Variants in ARHGEF1 observed in about 807,000 individuals in gnomAD.
ARHGEF1 encodes the protein 115 kDa guanine nucleotide exchange factor.
In ARHGEF1, 40 loss-of-function variants were observed where a neutral mutation model predicts 119.7. That is an observed-to-expected ratio of 0.33 (90% CI 0.26 to 0.44). The LOEUF (loss-of-function observed/expected upper bound fraction) is 0.44. Among genes scored for constraint, ARHGEF1 ranks in the 20% least tolerant of loss-of-function variants. The pLI is 1.00. For missense variants in ARHGEF1, 976 were observed against 1,268.3 expected (o/e 0.77, Z 3.50); for synonymous variants, 494 against 521.0 (o/e 0.95, Z 0.71).
chr19:41,884,544 C>T lies in ARHGEF1; in HGVS notation c.-20+1255C>T, dbSNP rs782493446. The T allele has an allele frequency of 1.1e-5, 17 of 1,597,880 alleles. No homozygotes were observed. The South Asian group carries it at 1.8e-4, about 17-fold the overall frequency. On this transcript the variant is annotated intron_variant, in intron 1 of 28. Coordinates refer to ENST00000354532, the MANE Select transcript of ARHGEF1 (RefSeq NM_004706.4). Reference sequence around the variant, plus strand: ...GTCAGACCCTGACTCTGCACGTCCTCCCCGGCATCCCTGGCCGTGCACACT... The same window carrying T: ...GTCAGACCCTGACTCTGCACGTCCTTCCCGGCATCCCTGGCCGTGCACACT...
rs2074434191 is a variant in ARHGEF1, at chr19:41,894,135, A to AGTGTGTGTGTGTGTGTGTGAGT, written c.645-53_645-52insAGTGTGTGTGTGTGTGTGTGTG. On this transcript the variant is annotated intron_variant, in intron 8 of 28. Transcript: ENST00000354532. ...GGGAGAGAGAGAGAGTGTGTGTGTG[A>AGTGTGTGTGTGTGTGTGTGAGT]GTGTGTGTGTGTGTGTGTGTGTGTG... 3.1e-5 allele frequency: 15 copies of AGTGTGTGTGTGTGTGTGTGAGT among 485,996 alleles called. No individual in the cohort carries two copies. In the African/African-American group the frequency reaches 3.3e-4, roughly 11 times the overall value. The allele number at this position is 485,996 out of a possible 1,614,324, so 30.1% of individuals were successfully genotyped here.
Position 41,913,935 on chromosome 19 carries a change from C to T in ARHGEF1, c.1865+7132C>T, listed in dbSNP as rs1599673461. Among the ~76,000 whole-genome samples the T allele has an allele frequency of 2.0e-5, 3 of 150,948 alleles. No individual in the cohort carries two copies. In the South Asian group the frequency reaches 6.4e-4, roughly 32 times the overall value. On this transcript the variant is annotated intron_variant, in intron 18 of 20. Coordinates refer to the ARHGEF1 transcript ENST00000599589. The stretch of plus-strand genomic sequence containing the variant: ...CCCTCACACCCCACCTCTGGAGCAC[C>T]TTCTTCCTGGAGACCCCCCAGACGC...
Position 41,894,534 on chromosome 19 carries a change from G to C in ARHGEF1, c.828G>C (p.Arg276=). ...TCCTGGATGCCGCCCGCTGGAACCG[G>C]GGAGAGCCCCAGGGTAAGGCGGCTC... ...SSILDAARWN[R]GEPQVPDFRH... is the part of the protein sequence containing the mutation. Residue 276 remains arginine (R), a synonymous_variant, in exon 10 of 29, where the codon CGG becomes CGC. Transcript: ENST00000354532. The C allele has an allele frequency of 6.2e-7, 1 of 1,612,774 alleles. No individual in the cohort carries two copies. Among genetic ancestry groups the C allele is most frequent in the Non-Finnish European group, 8.5e-7 (1 of 1,179,110 alleles).
exon 3 of ARHGEF1, chr19:41,929,995 A>T (rs2074895319): frequency 6.6e-6 from 1 of 151,740 alleles, no homozygotes; most frequent in South Asian, 2.1e-4. Flanking sequence ...GACAATAATG[A>T]CCTCCCTCCT....
intron 14 of ARHGEF1, among the ~76,000 whole-genome samples, chr19:41,899,533 G>C (rs1391154670): frequency 7.5e-6 from 1 of 133,000 alleles, no homozygotes; most frequent in African/African-American, 2.9e-5. Flanking sequence ...TTTTAAGACA[G>C]AGTTTTGCTC....
chr19:41,910,817 C>T (rs2074747469), downstream of ARHGEF1, among the ~76,000 whole-genome samples: 1 of 152,148 alleles, frequency 6.6e-6, no homozygotes. This position sits in a 1 kb window ranked among gnomAD's most constrained non-coding sequence, Gnocchi z 4.4. Context: ...GACACAGGCA[C>T]ACCGGAGTGC....
intron 13 of ARHGEF1, 66 bp from the exon 14 acceptor site, chr19:41,898,376 T>C (rs1555848343): frequency 5.8e-6 from 9 of 1,548,090 alleles, no homozygotes; most frequent in African/African-American, 2.7e-5. Flanking sequence ...TTGAACGCTC[T>C]AAGAGGCTGA....
chr19:41,887,450 TG>T (rs1555845392), intron 1 of ARHGEF1, among the ~76,000 whole-genome samples: 1 of 152,004 alleles, frequency 6.6e-6, no homozygotes, highest in African/African-American at 2.4e-5. Flanking sequence ...ATGAGGTCCC[TG>T]GGGGAAAGAA....
rs575816890 is a variant in ARHGEF1 at position 41,899,505 on chromosome 19, CTT to C, written c.1267+938_1267+939del. Among the ~76,000 whole-genome samples the C allele has an allele frequency of 2.1e-3, 215 of 101,672 alleles. 1 individual carries two copies. Among genetic ancestry groups the C allele is most frequent in the African/African-American group, 7.6e-3 (166 of 21,964 alleles). 66.7% of individuals were successfully genotyped at this position (101,672 alleles called of 152,430 possible). On this transcript the variant is annotated intron_variant, in intron 14 of 28. Coordinates refer to ENST00000354532, the MANE Select transcript of ARHGEF1 (RefSeq NM_004706.4). ...GGAGGCTGGTGGCAAAAAGAGAAAG[CTT>C]TTTTTTTTTTTTTTTTTTTAAGACA... is the stretch of plus-strand genomic sequence containing the variant.
chr19:41,888,427 G>A lies in ARHGEF1; in HGVS notation c.111+149G>A, dbSNP rs141628650. 704 of 763,022 alleles carry A rather than the reference G, an allele frequency of 9.2e-4. No individual in the cohort carries two copies. In the African/African-American group the frequency reaches 9.2e-3, roughly 10 times the overall value. 47.3% of individuals were successfully genotyped at this position (763,022 alleles called of 1,614,324 possible). A position where few individuals can be genotyped will look rare whatever the true frequency, so the allele number is the denominator to read the frequency against. Reference sequence around the variant, plus strand: ...CTGGTACCTCCTTCCTCACCTCGCCGACCCCACACAGCAGCATAGACGCCC... The same window carrying A: ...CTGGTACCTCCTTCCTCACCTCGCCAACCCCACACAGCAGCATAGACGCCC... On this transcript the variant is annotated intron_variant, in intron 3 of 28. Transcript: ENST00000354532. The surrounding 1 kb of genome is among the most constrained non-coding windows in gnomAD (Gnocchi z 5.1).
chr19:41,889,842 A>G lies in ARHGEF1; in HGVS notation c.225+977A>G, dbSNP rs1555845895. The G allele has an allele frequency of 6.6e-6, 1 of 152,226 alleles. No individual in the cohort carries two copies. Among genetic ancestry groups the G allele is most frequent in the Non-Finnish European group, 1.5e-5 (1 of 68,046 alleles). 9.4% of individuals were successfully genotyped at this position (152,226 alleles called of 1,614,324 possible). On this transcript the variant is annotated intron_variant, in intron 4 of 28. Transcript: ENST00000354532. This position sits in a 1 kb window ranked among gnomAD's most constrained non-coding sequence, Gnocchi z 4.0. Reference sequence around the variant, plus strand: ...CAGAAGAGTGGTTCCCCCGACAACCACATGCACGGAGACTCTGGCCCTCTG... The same window carrying G: ...CAGAAGAGTGGTTCCCCCGACAACCGCATGCACGGAGACTCTGGCCCTCTG...
At chr19:41,919,021 C>T (rs1277669908), upstream of ARHGEF1, among the ~76,000 whole-genome samples, 1 of 151,232 alleles carries the variant, frequency 6.6e-6, no homozygotes, top group Non-Finnish European at 1.5e-5. Flanking sequence ...ACACACCATG[C>T]CACAGACACT....
downstream of ARHGEF1, among the ~76,000 whole-genome samples, chr19:41,912,312 T>TCA (rs141312505): frequency 2.0e-4 from 31 of 151,576 alleles, 1 homozygote; most frequent in South Asian, 3.3e-3. Flanking sequence ...TGTCTGTCTC[T>TCA]CACACACACA....
Position 41,894,125 on chromosome 19 carries a change from T to TGTGTGA in ARHGEF1, c.645-77_645-76insAGTGTG, listed in dbSNP as rs1355822557. On this transcript the variant is annotated intron_variant, in intron 8 of 28. Coordinates refer to ENST00000354532, the MANE Select transcript of ARHGEF1 (RefSeq NM_004706.4). ...TGCCTCTAGGGGGAGAGAGAGAGAG[T>TGTGTGA]GTGTGTGTGAGTGTGTGTGTGTGTG... The TGTGTGA allele has an allele frequency of 1.5e-5, 13 of 841,764 alleles. No homozygotes were observed. In the African/African-American group the frequency reaches 3.0e-4, roughly 20 times the overall value. The allele number at this position is 841,764 out of a possible 1,614,324, so 52.1% of individuals were successfully genotyped here. A position where few individuals can be genotyped will look rare whatever the true frequency, so the allele number is the denominator to read the frequency against.
chr19:41,915,118 TCC>T (rs2074792064), intron 18 of ARHGEF1, among the ~76,000 whole-genome samples: 1 of 57,262 alleles, frequency 1.7e-5, no homozygotes, highest in African/African-American at 7.7e-5. Flanking sequence ...AGGGTCCCCC[TCC>T]TTCCTCCCCC....
In ARHGEF1 at chr19:41,889,061, T is replaced by C. The variant is rs1423045021; in HGVS notation, c.225+196T>C. 3.5e-6 allele frequency: 2 copies of C among 567,816 alleles called. No individual in the cohort carries two copies. The highest frequency in any genetic ancestry group is 6.3e-6 in the Non-Finnish European group (2 of 318,640). 35.2% of individuals were successfully genotyped at this position (567,816 alleles called of 1,614,324 possible). ...CACGTGACCTCAACAGGCTTACAAG[T>C]GCCCAGGGTAGATCTCAGTGCGCAG... On this transcript the variant is annotated intron_variant, in intron 4 of 28. Coordinates refer to ENST00000354532, the MANE Select transcript of ARHGEF1 (RefSeq NM_004706.4). The surrounding 1 kb of genome is among the most constrained non-coding windows in gnomAD (Gnocchi z 4.0).
downstream of ARHGEF1, chr19:41,909,395 C>T (rs782314354): frequency 5.7e-6 from 7 of 1,237,432 alleles, no homozygotes; most frequent in African/African-American, 3.1e-5. The surrounding 1 kb of genome is among the most constrained non-coding windows in gnomAD (Gnocchi z 5.2). Context: ...TTGACAAGCA[C>T]GACTTTGCTG....
At chr19:41,920,484 GACAC>G (rs781793491), upstream of ARHGEF1, among the ~76,000 whole-genome samples, 247 of 141,766 alleles carry the variant, frequency 1.7e-3, no homozygotes, top group African/African-American at 4.3e-3. Flanking sequence ...TCACAGACGT[GACAC>G]ACAGACATGA....
rs1376278063 is a variant in ARHGEF1 at position 41,889,225 on chromosome 19, G to A, written c.225+360G>A. On this transcript the variant is annotated intron_variant, in intron 4 of 28. Transcript: ENST00000354532. This position sits in a 1 kb window ranked among gnomAD's most constrained non-coding sequence, Gnocchi z 4.0. ...CAGCACCTTTCCGTGAACTCTAGGG[G>A]ACCAAATTCTTCTCTCCAAAGCCTT... 1.0e-5 allele frequency: 2 copies of A among 197,528 alleles called. No homozygotes were observed. The highest frequency in any genetic ancestry group is 2.1e-5 in the Non-Finnish European group (2 of 95,986). 12.2% of individuals were successfully genotyped at this position (197,528 alleles called of 1,614,324 possible).
Sources: gnomAD v4.1 joint callset for allele counts (sites outside exome capture counted in the v4.1 genomes callset) on GRCh38, gnomAD v4.1.1 for gene constraint, Gnocchi (gnomAD v3.1) non-coding constraint, MANE v1.5 for transcripts, NCBI Gene and HGNC (gene_info 2026-07-23, HGNC 2026-07-21) for gene names.